Variants in WDR93 observed in about 807,000 individuals in gnomAD.
WDR93 encodes the protein WD repeat-containing protein 93.
A neutral mutation model predicts 82.9 loss-of-function variants in WDR93; 73 were observed. The ratio of observed to expected loss-of-function variants is 0.88; its 90% CI spans 0.73 to 1.07. WDR93 has a LOEUF of 1.07. WDR93 is among the 50% of genes least tolerant of loss of function. The pLI is 0.00. For missense variants in WDR93, 738 were observed against 826.0 expected (o/e 0.89, Z 1.31); for synonymous variants, 283 against 300.1 (o/e 0.94, Z 0.59).
chr15:89,741,059 G>T (rs1967632255), intron 16 of WDR93, among the ~76,000 whole-genome samples: 2 of 152,040 alleles, frequency 1.3e-5, no homozygotes, highest in Admixed American at 6.5e-5. Flanking sequence ...AGAATTGCTT[G>T]AACTCAGGAG....
chr15:89,737,307 A>T (rs1165763919), intron 14 of WDR93, among the ~76,000 whole-genome samples: 1 of 152,178 alleles, frequency 6.6e-6, no homozygotes, highest in Non-Finnish European at 1.5e-5. Context: ...GAAGCAGAGA[A>T]CTTGGAAGAG....
chr15:89,742,484 T>C (rs763056286), intron 16 of WDR93, among the ~76,000 whole-genome samples: 1 of 152,258 alleles, frequency 6.6e-6, no homozygotes, highest in Middle Eastern at 3.4e-3. Flanking sequence ...TGGGCTTCTC[T>C]GATTTTTCTG....
chr15:89,722,140 G>A lies in WDR93; in HGVS notation c.880+1G>A. The stretch of plus-strand genomic sequence containing the variant: ...ATCAAACCACCTAAGCCTGTTACAG[G>A]TAAGTGTGATTCAAATCTCTCTCCT... On this transcript the variant is annotated splice_donor_variant, in intron 8 of 16. Transcript: ENST00000268130. LOFTEE classifies it high-confidence loss of function. 1 of 1,589,820 alleles carries A rather than the reference G, an allele frequency of 6.3e-7. No individual in the cohort carries two copies.
intron 6 of WDR93, among the ~76,000 whole-genome samples, chr15:89,716,552 A>T (rs1966261583): frequency 6.6e-6 from 1 of 152,200 alleles, no homozygotes; most frequent in South Asian, 2.1e-4. Context: ...TTATATTTAG[A>T]GTTACTTAAA....
chr15:89,716,206 T>C (rs1966244752), intron 6 of WDR93, among the ~76,000 whole-genome samples: 1 of 152,202 alleles, frequency 6.6e-6, no homozygotes. Flanking sequence ...ATTCCTCCTC[T>C]AAGCTATTAC....
At chr15:89,725,255 A>G (rs899740604) in intron 8 of WDR93, among the ~76,000 whole-genome samples, 2 of 152,254 alleles carry the variant, frequency 1.3e-5, no homozygotes, top group African/African-American at 4.8e-5. Context: ...CAGCAATGAA[A>G]AATGAACAAA....
intron 16 of WDR93, among the ~76,000 whole-genome samples, chr15:89,742,625 C>T (rs1293242216): frequency 6.6e-6 from 1 of 152,162 alleles, no homozygotes; most frequent in East Asian, 1.9e-4. Flanking sequence ...CCTCCATCTC[C>T]CAGATTCAAG....
chr15:89,712,011 C>T lies in WDR93; in HGVS notation c.562-15C>T. ...CAGGCTATGCCTACTCTATCAACATCTCTTTTGTTTTCAGGATGATACCAG... is the reference window on the plus strand; with the variant it reads ...CAGGCTATGCCTACTCTATCAACATTTCTTTTGTTTTCAGGATGATACCAG... On this transcript the variant is annotated splice_polypyrimidine_tract_variant and intron_variant, in intron 4 of 16. Coordinates refer to ENST00000268130, the MANE Select transcript of WDR93 (RefSeq NM_020212.2). The T allele has an allele frequency of 3.1e-6, 5 of 1,608,282 alleles. No homozygotes were observed. The highest frequency in any genetic ancestry group is 4.3e-6 in the Non-Finnish European group (5 of 1,175,538).
chr15:89,703,574 A>G (rs974046196), intron 3 of WDR93: 8 of 186,170 alleles, frequency 4.3e-5, no homozygotes, highest in African/African-American at 1.4e-4. Context: ...GGAGTATGGT[A>G]TCGAAAACTG....
In WDR93 at chr15:89,690,850, C is replaced by A; in HGVS notation, c.-48C>A. The A allele has an allele frequency of 3.6e-6, 2 of 549,036 alleles. No individual in the cohort carries two copies. The highest frequency in any genetic ancestry group is 6.5e-6 in the Non-Finnish European group (2 of 307,734). The allele number at this position is 549,036 out of a possible 1,614,324, so 34.0% of individuals were successfully genotyped here. Reference sequence around the variant, plus strand: ...GGTTACCAAGGCGACGCAACGCCGCCCGGCCAGGTGAGCAAAACTGATCTT... The same window carrying A: ...GGTTACCAAGGCGACGCAACGCCGCACGGCCAGGTGAGCAAAACTGATCTT... On this transcript the variant is annotated 5_prime_UTR_variant, in exon 1 of 17. Coordinates refer to ENST00000268130, the MANE Select transcript of WDR93 (RefSeq NM_020212.2).
chr15:89,725,389 A>G (rs72754531), intron 8 of WDR93, among the ~76,000 whole-genome samples: 5,268 of 152,220 alleles, frequency 0.035, 146 homozygotes, highest in Non-Finnish European at 0.048. Context: ...AAATGAAACT[A>G]TGGTGTTGAG....
rs572908403 is a variant in WDR93, at chr15:89,731,427, T to A, written c.1211-16T>A. The A allele has an allele frequency of 6.2e-7, 1 of 1,613,862 alleles. No individual in the cohort carries two copies. On this transcript the variant is annotated splice_polypyrimidine_tract_variant and intron_variant, in intron 11 of 16. Coordinates refer to ENST00000268130, the MANE Select transcript of WDR93 (RefSeq NM_020212.2). Reference sequence around the variant, plus strand: ...AGAGTCTGGGGGAACCGGTTGAGTATTGTCCTTCCCCCTAGACCCCGAGGG... The same window carrying A: ...AGAGTCTGGGGGAACCGGTTGAGTAATGTCCTTCCCCCTAGACCCCGAGGG...
At chr15:89,724,966 T>C (rs1232940495) in intron 8 of WDR93, among the ~76,000 whole-genome samples, 2 of 152,200 alleles carry the variant, frequency 1.3e-5, no homozygotes, top group Non-Finnish European at 2.9e-5. Flanking sequence ...TGCTAGGTGA[T>C]AGGGTGACCA....
At position 89,702,048 on chromosome 15, in the gene WDR93, A is replaced by G. The variant is rs1965496147; in HGVS notation, c.302A>G (p.Gln101Arg). Residue 101 changes from glutamine (Q) to arginine (R), a missense_variant and splice_region_variant, in exon 2 of 17, where the codon CAG becomes CGG. Physicochemically the swap from Gln to Arg is conservative, Grantham distance 43. Transcript: ENST00000268130. ...GTCTACCCTCCACTTGGAGAAATCC[A>G]GGTATGGAGTAAGCAGTTGACCAGG... ...PTVYPPLGEIQLNKMPNCMAV... is the reference protein window; with the variant it reads ...PTVYPPLGEIRLNKMPNCMAV... The G allele has an allele frequency of 6.2e-7, 1 of 1,605,886 alleles. No individual in the cohort carries two copies. The highest frequency in any genetic ancestry group is 1.7e-5 in the Admixed American group (1 of 59,822).
rs761162182 is a variant in WDR93 at position 89,738,129 on chromosome 15, G to A, written c.1854G>A (p.Leu618=). The A allele has an allele frequency of 3.1e-6, 5 of 1,614,116 alleles. No homozygotes were observed. The highest frequency in any genetic ancestry group is 1.7e-5 in the Admixed American group (1 of 60,016). ...TTAATTTTGAGGCCTGCCCACTCCT[G>A]GAAAATATCTCAAAAAATTGTACCA... ...FYFNFEACPL[L]ENISKNCTIP... Residue 618 remains leucine, a synonymous_variant, in exon 16 of 17, where the codon CTG becomes CTA. Coordinates refer to ENST00000268130, the MANE Select transcript of WDR93 (RefSeq NM_020212.2).
chr15:89,723,194 C>T (rs7162908), intron 8 of WDR93, among the ~76,000 whole-genome samples: 63,643 of 144,208 alleles, frequency 0.44, 13,932 homozygotes, highest in African/African-American at 0.52. Flanking sequence ...GGAGTGAAAC[C>T]GCGTCATAAA....
At chr15:89,719,395 T>C (rs1467171747) in intron 7 of WDR93, among the ~76,000 whole-genome samples, 1 of 152,248 alleles carries the variant, frequency 6.6e-6, no homozygotes, top group African/African-American at 2.4e-5. Context: ...CTTTAATAGA[T>C]AAAGCACTAT....
chr15:89,715,298 C>A (rs748638916), intron 6 of WDR93, among the ~76,000 whole-genome samples: 1 of 152,170 alleles, frequency 6.6e-6, no homozygotes, highest in Non-Finnish European at 1.5e-5. Context: ...TAGTGGGAAT[C>A]GCAGTATCTC....
chr15:89,741,123 G>A (rs994746887), intron 16 of WDR93, among the ~76,000 whole-genome samples: 2 of 150,726 alleles, frequency 1.3e-5, no homozygotes, highest in African/African-American at 4.9e-5. Context: ...CTGGGCGACA[G>A]AGCAAGAATC....
Sources: gnomAD v4.1 joint callset for allele counts (sites outside exome capture counted in the v4.1 genomes callset) on GRCh38, gnomAD v4.1.1 for gene constraint, MANE v1.5 for transcripts, NCBI Gene and HGNC (gene_info 2026-07-23, HGNC 2026-07-21) for gene names.